HHAT: variants seen among roughly 807,000 people sequenced by gnomAD.
HHAT encodes hedgehog acyltransferase.
A neutral mutation model predicts 70.8 loss-of-function variants in HHAT; 47 were observed. That is an observed-to-expected ratio of 0.66 (90% CI 0.53 to 0.85). The LOEUF (loss-of-function observed/expected upper bound fraction) is 0.85, where lower values mean the gene tolerates loss of function less well. HHAT is among the 40% of genes least tolerant of loss of function. The pLI is 0.00. For missense variants in HHAT, 609 were observed against 604.8 expected, an observed-to-expected ratio of 1.01 and a Z score of -0.07; for synonymous variants, 228 against 247.6, an observed-to-expected ratio of 0.92 and a Z score of 0.74.
intron 11 of HHAT, among the ~76,000 whole-genome samples, chr1:210,660,571 G>A (rs1677462296): frequency 6.6e-6 from 1 of 152,064 alleles, no homozygotes; most frequent in African/African-American, 2.4e-5. Context: ...CTACTTTAAA[G>A]TTCATATGGA....
chr1:210,405,169 G>A (rs747478569), intron 6 of HHAT, among the ~76,000 whole-genome samples: 1 of 152,182 alleles, frequency 6.6e-6, no homozygotes, highest in Non-Finnish European at 1.5e-5. Context: ...AAAACAGAGT[G>A]GAGTTGAAGT....
At chr1:210,417,663 C>T (rs574466435) in intron 6 of HHAT, among the ~76,000 whole-genome samples, 45 of 152,348 alleles carry the variant, frequency 3.0e-4, no homozygotes, top group African/African-American at 1.1e-3. Context: ...CATGCCCACA[C>T]ATCATTTTCC....
intron 11 of HHAT, among the ~76,000 whole-genome samples, chr1:210,649,305 C>G (rs1266229136): frequency 6.6e-6 from 1 of 152,208 alleles, no homozygotes; most frequent in Non-Finnish European, 1.5e-5. Flanking sequence ...GACTCATTTT[C>G]ATGATTTTTC....
At chr1:210,583,947 A>AT (rs371722219) in intron 9 of HHAT, among the ~76,000 whole-genome samples, 1,219 of 88,904 alleles carry the variant, frequency 0.014, 65 homozygotes, top group African/African-American at 0.039. Context: ...AGTGCAGCTA[A>AT]TTTTTTTTTT....
chr1:210,654,236 G>T (rs1675906538), intron 11 of HHAT, among the ~76,000 whole-genome samples: 1 of 23,990 alleles, frequency 4.2e-5, no homozygotes, highest in African/African-American at 1.5e-4. Context: ...AGTGAGCCAT[G>T]GTTGGCCTTT....
chr1:210,354,160 A>C (rs149531031), intron 2 of HHAT, among the ~76,000 whole-genome samples: 97 of 145,192 alleles, frequency 6.7e-4, no homozygotes, highest in African/African-American at 2.4e-3. Flanking sequence ...ATATGATGTG[A>C]TATTTTTTCA....
intron 6 of HHAT, among the ~76,000 whole-genome samples, chr1:210,412,703 G>A (rs545025516): frequency 1.3e-5 from 2 of 152,352 alleles, no homozygotes; most frequent in East Asian, 3.9e-4. Context: ...TGGTGGTGGG[G>A]AGGGGGTTAT....
chr1:210,404,980 C>T (rs1275834313), intron 6 of HHAT, among the ~76,000 whole-genome samples: 1 of 152,092 alleles, frequency 6.6e-6, no homozygotes, highest in African/African-American at 2.4e-5. Context: ...TTGGTATCCA[C>T]TGTGGCAAAG....
At chr1:210,666,981 G>A in intron 11 of HHAT, among the ~76,000 whole-genome samples, 1 of 137,334 alleles carries the variant, frequency 7.3e-6, no homozygotes, top group African/African-American at 2.6e-5. Context: ...TCAGGAGGCT[G>A]AAGCAGGAGA....
intron 3 of HHAT, among the ~76,000 whole-genome samples, chr1:210,377,113 C>CTGGGGATCTTTT (rs1231597030): frequency 8.5e-5 from 13 of 152,168 alleles, no homozygotes; most frequent in African/African-American, 2.4e-4. Context: ...CCCCAACAGG[C>CTGGGGATCTTTT]TGGGGATCTT....
intron 10 of HHAT, among the ~76,000 whole-genome samples, chr1:210,612,612 G>C (rs1666825008): frequency 6.6e-6 from 1 of 152,130 alleles, no homozygotes; most frequent in African/African-American, 2.4e-5. Flanking sequence ...GTGTACACTG[G>C]TGTACAAATA....
At chr1:210,644,673 T>A (rs560462997) in intron 11 of HHAT, among the ~76,000 whole-genome samples, 2 of 150,068 alleles carry the variant, frequency 1.3e-5, no homozygotes, top group Non-Finnish European at 1.5e-5. Flanking sequence ...TAAAAGGGGA[T>A]CCTTGGCAAA....
chr1:210,420,657 T>G (rs3765854), intron 7 of HHAT, among the ~76,000 whole-genome samples: 27,076 of 149,416 alleles, frequency 0.18, 2,849 homozygotes, highest in Middle Eastern at 0.24. Flanking sequence ...AGTATAATAA[T>G]AATAAAATTT....
intron 11 of HHAT, among the ~76,000 whole-genome samples, chr1:210,648,622 A>G (rs957740582): frequency 2.0e-5 from 3 of 150,878 alleles, no homozygotes; most frequent in African/African-American, 7.3e-5. Flanking sequence ...CCAAGACCCT[A>G]AATTTATATA....
At chr1:210,601,482 C>G (rs566120922) in intron 10 of HHAT, among the ~76,000 whole-genome samples, 1 of 152,134 alleles carries the variant, frequency 6.6e-6, no homozygotes, top group African/African-American at 2.4e-5. Flanking sequence ...CAAGCACTTA[C>G]TGGACATAAG....
chr1:210,428,698 C>T (rs945054718), intron 7 of HHAT, among the ~76,000 whole-genome samples: 1 of 151,672 alleles, frequency 6.6e-6, no homozygotes, highest in African/African-American at 2.4e-5. Context: ...CTTCGTGGGC[C>T]AGGTGTGGTG....
intron 8 of HHAT, among the ~76,000 whole-genome samples, chr1:210,507,337 A>G (rs2094874545): frequency 6.6e-6 from 1 of 151,842 alleles, no homozygotes; most frequent in Admixed American, 6.6e-5. Context: ...TACAAAAACT[A>G]AAGAAAACAT....
chr1:210,594,739 GA>G (rs1387567751), intron 10 of HHAT, among the ~76,000 whole-genome samples: 1 of 152,178 alleles, frequency 6.6e-6, no homozygotes, highest in African/African-American at 2.4e-5. Context: ...TGGTGTTGAT[GA>G]AATTCCTCAG....
At chr1:210,374,620 C>T (rs2090028542) in intron 3 of HHAT, among the ~76,000 whole-genome samples, 1 of 151,916 alleles carries the variant, frequency 6.6e-6, no homozygotes, top group African/African-American at 2.4e-5. Context: ...CTCGTTTTAG[C>T]CCTTTTTGTA....
Sources: gnomAD v4.1 joint callset for allele counts (sites outside exome capture counted in the v4.1 genomes callset) on GRCh38, gnomAD v4.1.1 for gene constraint, MANE v1.5 for transcripts, NCBI Gene and HGNC (gene_info 2026-07-23, HGNC 2026-07-21) for gene names.